The following SMYD3 variants were observed in gnomAD, a reference collection of about 807,000 sequenced individuals.
SMYD3 encodes SET and MYND domain containing 3.
SMYD3 carries 36 observed loss-of-function variants against 57.7 expected under a neutral mutation model. The observed-to-expected ratio is 0.62, with a 90% CI of 0.48 to 0.82. The LOEUF is 0.82. SMYD3 is among the 40% of genes least tolerant of loss of function. The probability of loss-of-function intolerance (pLI) is 0.00; values close to 1 mark genes in which losing one functional copy is unlikely to be tolerated. For synonymous variants in SMYD3, 211 were observed against 195.0 expected (o/e 1.08, Z -0.68); for missense variants, 515 against 538.8 (o/e 0.96, Z 0.44).
chr1:246,247,772 G>T (rs1355280690), intron 5 of SMYD3, among the ~76,000 whole-genome samples: 2 of 151,908 alleles, frequency 1.3e-5, no homozygotes, highest in Non-Finnish European at 2.9e-5. Flanking sequence ...GTCACCTATT[G>T]CCTTCAAAAA....
chr1:245,845,810 A>G (rs2050635585), intron 10 of SMYD3, among the ~76,000 whole-genome samples: 1 of 152,140 alleles, frequency 6.6e-6, no homozygotes, highest in Admixed American at 6.5e-5. Flanking sequence ...TTTCTATCTG[A>G]AATGTTTATT....
At chr1:246,273,135 C>CTTTTGTT (rs2064253751) in intron 5 of SMYD3, among the ~76,000 whole-genome samples, 1 of 107,608 alleles carries the variant, frequency 9.3e-6, no homozygotes, top group Admixed American at 1.0e-4. Context: ...TCCCTGTTTT[C>CTTTTGTT]TTTTTTTTTT....
chr1:245,858,681 CCTT>C lies in SMYD3; in HGVS notation c.902-14_902-12del. 1 of 1,610,186 alleles carries C rather than the reference CCTT, an allele frequency of 6.2e-7. No homozygotes were observed. The highest frequency in any genetic ancestry group is 1.3e-5 in the African/African-American group (1 of 74,774). ...GAACCTGCTCCCACTCTGTTATTAA[CCTT>C]AGTTAAGGATTCATTGTCTTCATCA... On this transcript the variant is annotated splice_polypyrimidine_tract_variant and intron_variant, in intron 9 of 11. Coordinates refer to ENST00000490107, the MANE Select transcript of SMYD3 (RefSeq NM_001167740.2).
chr1:246,467,865 A>G (rs2067902571), intron 1 of SMYD3, among the ~76,000 whole-genome samples: 1 of 152,200 alleles, frequency 6.6e-6, no homozygotes, highest in Non-Finnish European at 1.5e-5. Context: ...CCTCAACAAA[A>G]TATTTGTAAA....
intron 5 of SMYD3, among the ~76,000 whole-genome samples, chr1:245,974,428 A>T (rs977047941): frequency 6.6e-6 from 1 of 151,776 alleles, no homozygotes; most frequent in African/African-American, 2.4e-5. Context: ...AATCTATTTC[A>T]TTTTTCCCAT....
Position 246,089,776 on chromosome 1 carries a change from C to T in SMYD3, c.532-159839G>A, listed in dbSNP as rs546142494. 4.6e-5 allele frequency among the ~76,000 whole-genome samples: 7 copies of T among 152,002 alleles called. No homozygotes were observed. The South Asian group carries it at 1.0e-3, about 23-fold the overall frequency. On this transcript the variant is annotated intron_variant, in intron 5 of 11. Transcript: ENST00000490107. ...GTAGACAAAACTTTTAGACCTTTAC[C>T]GGCTGTTCCTACCCCAAATGCCAGC...
chr1:246,363,363 G>A (rs1250771851), intron 1 of SMYD3, among the ~76,000 whole-genome samples: 2 of 151,510 alleles, frequency 1.3e-5, no homozygotes, highest in East Asian at 2.0e-4. Flanking sequence ...CTGCCCGGCC[G>A]CCCCTACTGG....
chr1:246,299,928 G>T (rs954200183), intron 5 of SMYD3, among the ~76,000 whole-genome samples: 1 of 150,972 alleles, frequency 6.6e-6, no homozygotes, highest in South Asian at 2.1e-4. Flanking sequence ...TTAACACCTG[G>T]TGACAAAATA....
intron 1 of SMYD3, among the ~76,000 whole-genome samples, chr1:246,444,919 T>C (rs2067530813): frequency 6.6e-6 from 1 of 152,212 alleles, no homozygotes; most frequent in Non-Finnish European, 1.5e-5. Flanking sequence ...AGAGCTTGGA[T>C]TCTGGAATCA....
chr1:246,430,198 A>C (rs75749554), intron 1 of SMYD3, among the ~76,000 whole-genome samples: 3 of 152,074 alleles, frequency 2.0e-5, no homozygotes, highest in Admixed American at 6.5e-5. Context: ...ATAATCATAC[A>C]AGAAACGGAA....
intron 11 of SMYD3, among the ~76,000 whole-genome samples, chr1:245,763,020 T>C (rs2045920983): frequency 6.6e-6 from 1 of 152,154 alleles, no homozygotes; most frequent in South Asian, 2.1e-4. Context: ...GGAGAGGAAG[T>C]TCTGCTGAGG....
At position 246,162,733 on chromosome 1, in the gene SMYD3, C is replaced by T. The variant is rs115826641; in HGVS notation, c.531+164468G>A. On this transcript the variant is annotated intron_variant, in intron 5 of 11. Coordinates refer to ENST00000490107, the MANE Select transcript of SMYD3 (RefSeq NM_001167740.2). ...ACAATGTGAGGGTTACTCAGAGGTACAGAGACTAGTGGTATGGTCAGGATT... is the reference window on the plus strand; with the variant it reads ...ACAATGTGAGGGTTACTCAGAGGTATAGAGACTAGTGGTATGGTCAGGATT... Among the ~76,000 whole-genome samples, 242 of 152,286 alleles carry T rather than the reference C, an allele frequency of 1.6e-3. 1 individual carries two copies. Among genetic ancestry groups the T allele is most frequent in the African/African-American group, 5.4e-3 (224 of 41,556 alleles).
chr1:246,033,455 T>C (rs770195933), intron 5 of SMYD3, among the ~76,000 whole-genome samples: 7 of 152,308 alleles, frequency 4.6e-5, no homozygotes, highest in South Asian at 2.1e-4. Flanking sequence ...CTTGTGGTGA[T>C]AGAAATGCCC....
intron 5 of SMYD3, among the ~76,000 whole-genome samples, chr1:246,308,502 T>C (rs1349903676): frequency 1.3e-5 from 2 of 152,064 alleles, no homozygotes; most frequent in African/African-American, 4.8e-5. Flanking sequence ...CACAGTGATA[T>C]AGAGAATGAG....
chr1:246,369,426 C>T (rs2066158353), intron 1 of SMYD3, among the ~76,000 whole-genome samples: 2 of 152,212 alleles, frequency 1.3e-5, no homozygotes, highest in Admixed American at 1.3e-4. Flanking sequence ...GAAGTGATTA[C>T]ACCCACCATC....
intron 5 of SMYD3, among the ~76,000 whole-genome samples, chr1:246,142,627 T>C (rs2061775832): frequency 6.6e-6 from 1 of 152,188 alleles, no homozygotes; most frequent in Admixed American, 6.5e-5. Flanking sequence ...GATACGGGAT[T>C]CCATCATGCT....
chr1:246,392,806 G>GAAAAAAAAAAAAAAA (rs35750695), intron 1 of SMYD3, among the ~76,000 whole-genome samples: 1 of 139,226 alleles, frequency 7.2e-6, no homozygotes, highest in Admixed American at 7.2e-5. Context: ...AAAAGAAAAA[G>GAAAAAAAAAAAAAAA]AAAAAAAAAA....
intron 5 of SMYD3, among the ~76,000 whole-genome samples, chr1:245,980,966 G>A (rs922814935): frequency 5.9e-5 from 9 of 152,216 alleles, no homozygotes; most frequent in Non-Finnish European, 1.2e-4. Context: ...GCAGAGTAAA[G>A]CAGTTCTAAG....
intron 5 of SMYD3, among the ~76,000 whole-genome samples, chr1:246,184,736 G>A (rs994043589): frequency 1.3e-5 from 2 of 152,166 alleles, no homozygotes; most frequent in Non-Finnish European, 2.9e-5. Flanking sequence ...GCTTGCATGA[G>A]GAAGGGCCAT....
Sources: gnomAD v4.1 joint callset for allele counts (sites outside exome capture counted in the v4.1 genomes callset) on GRCh38, gnomAD v4.1.1 for gene constraint, MANE v1.5 for transcripts, NCBI Gene and HGNC (gene_info 2026-07-23, HGNC 2026-07-21) for gene names.